Variants in SCNN1B observed in about 807,000 individuals in gnomAD.
The protein encoded by SCNN1B is sodium channel epithelial 1 subunit beta, also known as epithelial sodium channel subunit beta.
Under a neutral mutation model 65.3 loss-of-function variants are expected in SCNN1B, and 46 were observed. The ratio of observed to expected loss-of-function variants is 0.70; its 90% CI spans 0.56 to 0.90. SCNN1B has a LOEUF of 0.90. Ranked by LOEUF, SCNN1B falls within the 40% of genes least tolerant of loss-of-function variation. The probability of loss-of-function intolerance (pLI) is 0.00; values close to 1 mark genes in which losing one functional copy is unlikely to be tolerated. For missense variants in SCNN1B, 751 were observed against 830.5 expected, an observed-to-expected ratio of 0.90 and a Z score of 1.18; for synonymous variants, 349 against 330.6, an observed-to-expected ratio of 1.06 and a Z score of -0.60.
chr16:23,341,769 A>G (rs373020288), intron 1 of SCNN1B, among the ~76,000 whole-genome samples: 7 of 152,316 alleles, frequency 4.6e-5, no homozygotes, highest in East Asian at 1.9e-4. Flanking sequence ...ATTGAAACCA[A>G]CGTAAGATAT....
At chr16:23,343,671 GA>G (rs1555487092) in intron 1 of SCNN1B, among the ~76,000 whole-genome samples, 17 of 135,276 alleles carry the variant, frequency 1.3e-4, no homozygotes, top group Non-Finnish European at 1.9e-4. Flanking sequence ...AAGGAAGGAA[GA>G]AAAAAAAAAG....
intron 1 of SCNN1B, among the ~76,000 whole-genome samples, chr16:23,305,534 T>TATA (rs1555483371): frequency 0.045 from 327 of 7,330 alleles, 51 homozygotes; most frequent in Non-Finnish European, 0.064. Context: ...AATATATATA[T>TATA]TATATATATA....
At chr16:23,354,496 G>A (rs925901379) in intron 3 of SCNN1B, among the ~76,000 whole-genome samples, 7 of 152,268 alleles carry the variant, frequency 4.6e-5, no homozygotes, top group Admixed American at 2.0e-4. Flanking sequence ...GTGTCTGTGC[G>A]ATGACTTGGA....
At chr16:23,378,446 G>A (rs1313905756) in intron 10 of SCNN1B, among the ~76,000 whole-genome samples, 1 of 152,226 alleles carries the variant, frequency 6.6e-6, no homozygotes, top group East Asian at 1.9e-4. Flanking sequence ...AGCAGGAAGT[G>A]TGAGGACCAG....
intron 8 of SCNN1B, 141 bp from the exon 9 acceptor site, chr16:23,377,024 G>T (rs917003836): frequency 3.9e-6 from 3 of 768,528 alleles, no homozygotes; most frequent in African/African-American, 3.4e-5. Flanking sequence ...GGTGGGGAGC[G>T]GTGATTTTTC....
chr16:23,301,642 A>G (rs1470018424), upstream of SCNN1B, among the ~76,000 whole-genome samples: 1 of 152,152 alleles, frequency 6.6e-6, no homozygotes, highest in Non-Finnish European at 1.5e-5. Context: ...ATTCGAGGAA[A>G]TGCGCAAGGC....
intron 1 of SCNN1B, among the ~76,000 whole-genome samples, chr16:23,336,794 T>G (rs1961952047): frequency 6.6e-6 from 1 of 152,134 alleles, no homozygotes; most frequent in Non-Finnish European, 1.5e-5. Flanking sequence ...GGTGTAATAT[T>G]GCTTTGTATT....
chr16:23,318,215 C>T (rs191491676), intron 1 of SCNN1B, among the ~76,000 whole-genome samples: 50 of 152,272 alleles, frequency 3.3e-4, no homozygotes, highest in Admixed American at 3.0e-3. Context: ...AGCAAACAGA[C>T]ACGGTTTCAA....
intron 1 of SCNN1B, among the ~76,000 whole-genome samples, chr16:23,278,902 T>C (rs965530066): frequency 6.6e-6 from 1 of 151,536 alleles, no homozygotes. Flanking sequence ...ATCGTACCAC[T>C]GCACTCCAGC....
chr16:23,372,569 A>T (rs907290430), intron 7 of SCNN1B, among the ~76,000 whole-genome samples: 5 of 148,632 alleles, frequency 3.4e-5, no homozygotes, highest in African/African-American at 1.0e-4. Context: ...ATATTGGCTC[A>T]CTGCAACCTC....
At position 23,344,791 on chromosome 16, in the gene SCNN1B, C is replaced by T. The variant is rs374713136; in HGVS notation, c.-8-3801C>T. Among the ~76,000 whole-genome samples, 4 of 152,086 alleles carry T rather than the reference C, an allele frequency of 2.6e-5. No individual in the cohort carries two copies. In the East Asian group the frequency reaches 5.8e-4, roughly 22 times the overall value. On this transcript the variant is annotated intron_variant, in intron 1 of 12. Transcript: ENST00000343070. ...GGTGGATCGCTTGATCCCAGGAGTT[C>T]GAGACAAGCCTGGGCAACATGGCAA...
intron 5 of SCNN1B, among the ~76,000 whole-genome samples, chr16:23,369,375 C>A (rs746747408): frequency 6.6e-6 from 1 of 152,138 alleles, no homozygotes; most frequent in African/African-American, 2.4e-5. Flanking sequence ...TGATCCACTG[C>A]GCCCAGCTGT....
At chr16:23,356,656 G>T (rs990845651) in intron 4 of SCNN1B, among the ~76,000 whole-genome samples, 2 of 151,748 alleles carry the variant, frequency 1.3e-5, no homozygotes, top group Non-Finnish European at 2.9e-5. Flanking sequence ...AAAAAAACAC[G>T]AGGTTATAAA....
chr16:23,343,631 GA>G (rs1030067732), intron 1 of SCNN1B, among the ~76,000 whole-genome samples: 1 of 103,576 alleles, frequency 9.7e-6, no homozygotes, highest in Non-Finnish European at 2.0e-5. Context: ...AAGAAAGAAA[GA>G]AAGAAAGAAA....
Position 23,367,849 on chromosome 16 carries a change from C to A in SCNN1B, c.777-7C>A. On this transcript the variant is annotated splice_region_variant and splice_polypyrimidine_tract_variant and intron_variant, in intron 4 of 12. Transcript: ENST00000343070. ...ACCTGCCCTGCAGCTGATGCTGTTT[C>A]TTTTAGGAACTTCACGTCCATCTTC... 6.2e-7 allele frequency: 1 copy of A among 1,609,924 alleles called. No individual in the cohort carries two copies. Among genetic ancestry groups the A allele is most frequent in the South Asian group, 1.1e-5 (1 of 91,010 alleles).
intron 1 of SCNN1B, among the ~76,000 whole-genome samples, chr16:23,322,231 CT>C (rs781186004): frequency 6.6e-6 from 1 of 152,248 alleles, no homozygotes; most frequent in Non-Finnish European, 1.5e-5. Context: ...AGCCATTGAT[CT>C]AGGTCAGCAC....
At chr16:23,327,282 A>C (rs987007692) in intron 1 of SCNN1B, among the ~76,000 whole-genome samples, 1 of 152,144 alleles carries the variant, frequency 6.6e-6, no homozygotes, top group Middle Eastern at 3.2e-3. Flanking sequence ...CTGTAATCCC[A>C]GCACTTTGGG....
Position 23,348,782 on chromosome 16 carries a change from C to T in SCNN1B, c.183C>T (p.Ala61=), listed in dbSNP as rs1962243648. The change falls in exon 2 of 13, where the codon GCC becomes GCT. Residue 61 remains alanine (A), a synonymous_variant. Transcript: ENST00000343070. The surrounding 1 kb of genome is among the most constrained non-coding windows in gnomAD (Gnocchi z 4.5). ...MWFLLTLLFA[A]LVCWQWGIFI... ...TCCTGCTCACCCTGCTCTTCGCCGC[C>T]CTCGTCTGCTGGCAGTGGGGCATCT... 1 of 1,614,076 alleles carries T rather than the reference C, an allele frequency of 6.2e-7. No homozygotes were observed. The highest frequency in any genetic ancestry group is 8.5e-7 in the Non-Finnish European group (1 of 1,180,050).
chr16:23,321,123 C>A (rs1054027307), intron 1 of SCNN1B, among the ~76,000 whole-genome samples: 2 of 152,170 alleles, frequency 1.3e-5, no homozygotes, highest in African/African-American at 4.8e-5. Flanking sequence ...CCGACTGCAA[C>A]CTCCGTCTCC....
Sources: gnomAD v4.1 joint callset for allele counts (sites outside exome capture counted in the v4.1 genomes callset) on GRCh38, gnomAD v4.1.1 for gene constraint, Gnocchi (gnomAD v3.1) non-coding constraint, MANE v1.5 for transcripts, NCBI Gene and HGNC (gene_info 2026-07-23, HGNC 2026-07-21) for gene names.